The following BANK1 variants were observed in gnomAD, a reference collection of about 807,000 sequenced individuals.
BANK1 encodes B-cell scaffold protein with ankyrin repeats.
A neutral mutation model predicts 94.5 loss-of-function variants in BANK1; 95 were observed. The ratio of observed to expected loss-of-function variants is 1.00; its 90% confidence interval spans 0.85 to 1.19. The LOEUF is 1.19. Ranked by LOEUF, BANK1 falls within the 50% of genes most tolerant of loss-of-function variation. The probability of loss-of-function intolerance (pLI) is 0.00; values close to 1 mark genes in which losing one functional copy is unlikely to be tolerated. For missense variants in BANK1, 987 were observed against 932.2 expected (o/e 1.06, Z -0.77); for synonymous variants, 334 against 308.4 (o/e 1.08, Z -0.87).
chr4:101,936,584 G>GTA (rs1243738268), intron 7 of BANK1, among the ~76,000 whole-genome samples: 14 of 150,164 alleles, frequency 9.3e-5, no homozygotes, highest in African/African-American at 3.2e-4. Flanking sequence ...GTATGTGTGT[G>GTA]TATATATATA....
At chr4:101,995,831 G>C (rs1725859721) in intron 7 of BANK1, among the ~76,000 whole-genome samples, 1 of 152,084 alleles carries the variant, frequency 6.6e-6, no homozygotes, top group South Asian at 2.1e-4. Context: ...GTTCCTTGTA[G>C]ATTCTGGATA....
intron 7 of BANK1, among the ~76,000 whole-genome samples, chr4:101,999,740 G>T (rs1354160751): frequency 6.6e-6 from 1 of 152,138 alleles, no homozygotes. Context: ...GAATGTAAAA[G>T]AAAGGAAATA....
chr4:102,017,496 G>A (rs2148945099), intron 7 of BANK1, among the ~76,000 whole-genome samples: 1 of 152,298 alleles, frequency 6.6e-6, no homozygotes, highest in Non-Finnish European at 1.5e-5. Flanking sequence ...GAGGTCAGCT[G>A]GAATGTGGCC....
At chr4:102,041,202 A>C (rs906855447) in intron 10 of BANK1, among the ~76,000 whole-genome samples, 9 of 152,126 alleles carry the variant, frequency 5.9e-5, no homozygotes, top group Non-Finnish European at 8.8e-5. Flanking sequence ...TATAAAGTAC[A>C]TAAAGTCTTT....
At chr4:102,013,482 C>T (rs950192613) in intron 7 of BANK1, among the ~76,000 whole-genome samples, 4 of 151,934 alleles carry the variant, frequency 2.6e-5, no homozygotes, top group African/African-American at 9.7e-5. Context: ...TCTTCTGTCC[C>T]CAACCCTGCT....
chr4:101,954,489 AG>A (rs1348603884), intron 7 of BANK1, among the ~76,000 whole-genome samples: 2 of 152,142 alleles, frequency 1.3e-5, no homozygotes, highest in Non-Finnish European at 2.9e-5. Flanking sequence ...GGCCTAGAAA[AG>A]GTGGTAGTAA....
At chr4:101,941,916 G>C (rs1560644345) in intron 7 of BANK1, among the ~76,000 whole-genome samples, 1 of 151,754 alleles carries the variant, frequency 6.6e-6, no homozygotes, top group Non-Finnish European at 1.5e-5. Flanking sequence ...TGATCCACTT[G>C]TGTGGGGTAA....
At chr4:102,020,309 C>A (rs1424408765) in intron 7 of BANK1, among the ~76,000 whole-genome samples, 2 of 151,874 alleles carry the variant, frequency 1.3e-5, no homozygotes, top group African/African-American at 4.8e-5. Flanking sequence ...GATTTTAATA[C>A]CAAAGCATAC....
chr4:101,864,170 G>C (rs141298374), intron 4 of BANK1, among the ~76,000 whole-genome samples: 2 of 152,028 alleles, frequency 1.3e-5, no homozygotes, highest in Non-Finnish European at 2.9e-5. Context: ...TTAAGTATTC[G>C]TTTCAACTGT....
intron 2 of BANK1, among the ~76,000 whole-genome samples, chr4:101,842,570 G>T (rs542013761): frequency 2.6e-5 from 4 of 152,244 alleles, no homozygotes; most frequent in Non-Finnish European, 5.9e-5. Context: ...TATACTCTTG[G>T]ACAAATTTTG....
At chr4:101,990,524 A>G (rs1725663508) in intron 7 of BANK1, among the ~76,000 whole-genome samples, 1 of 152,188 alleles carries the variant, frequency 6.6e-6, no homozygotes, top group South Asian at 2.1e-4. Context: ...TTTCTGGAAA[A>G]TGAATTGTCA....
chr4:102,073,783 CT>C, intron 16 of BANK1, 35 bp downstream of exon 16: 1 of 1,531,546 alleles, frequency 6.5e-7, no homozygotes, highest in Admixed American at 1.8e-5. Context: ...TTTAGAAAAT[CT>C]AAAGCAGCCT....
chr4:101,842,528 C>G (rs761620796), intron 2 of BANK1, among the ~76,000 whole-genome samples: 1 of 152,026 alleles, frequency 6.6e-6, no homozygotes, highest in Non-Finnish European at 1.5e-5. Context: ...GAATGTGGAC[C>G]AAATACTTCT....
intron 1 of BANK1, among the ~76,000 whole-genome samples, chr4:101,794,571 C>T (rs1725091745): frequency 6.6e-6 from 1 of 152,022 alleles, no homozygotes; most frequent in Non-Finnish European, 1.5e-5. Context: ...ATTATTTGGC[C>T]TTGTAATCCT....
intron 7 of BANK1, among the ~76,000 whole-genome samples, chr4:101,927,813 T>A (rs1723213906): frequency 6.6e-6 from 1 of 151,732 alleles, no homozygotes; most frequent in Non-Finnish European, 1.5e-5. Context: ...ACACGTTAAA[T>A]TTGAAATGCC....
rs1048847397 is a variant in BANK1 at position 101,953,278 on chromosome 4, G to GT, written c.1206+35095dup. On this transcript the variant is annotated intron_variant, in intron 7 of 16. Transcript: ENST00000322953. ...AGTAGTGGACGAAATGTTCCCAACT[G>GT]TTTTTTCTCCATCTTTTGTCATATT... is the stretch of plus-strand genomic sequence containing the variant. Among the ~76,000 whole-genome samples, 138 of 152,230 alleles carry GT rather than the reference G, an allele frequency of 9.1e-4. 1 individual carries two copies. Among genetic ancestry groups the GT allele is most frequent in the African/African-American group, 3.2e-3 (131 of 41,568 alleles).
rs74329503 is a variant in BANK1, at chr4:102,072,158, C to T, written c.2243-187C>T. On this transcript the variant is annotated intron_variant, in intron 14 of 16. Transcript: ENST00000322953. ...TCAGTATCCTACCCAAGTCAATCCA[C>T]ATGGGCAGGAGAAATTAACAGCACA... 2.0e-5 allele frequency among the ~76,000 whole-genome samples: 3 copies of T among 152,206 alleles called. No individual in the cohort carries two copies. In the East Asian group the frequency reaches 5.8e-4, roughly 29 times the overall value.
chr4:101,905,131 C>A (rs1046541076), intron 6 of BANK1, among the ~76,000 whole-genome samples: 2 of 152,098 alleles, frequency 1.3e-5, no homozygotes, highest in Non-Finnish European at 2.9e-5. Flanking sequence ...GAAGTAGATA[C>A]AACAATTTGA....
intron 7 of BANK1, among the ~76,000 whole-genome samples, chr4:101,968,703 G>T (rs186598605): frequency 7.2e-5 from 11 of 151,912 alleles, no homozygotes; most frequent in Admixed American, 6.6e-4. Context: ...AAACTGCAGG[G>T]GACTACAGAG....
Sources: gnomAD v4.1 joint callset for allele counts (sites outside exome capture counted in the v4.1 genomes callset) on GRCh38, gnomAD v4.1.1 for gene constraint, MANE v1.5 for transcripts, NCBI Gene and HGNC (gene_info 2026-07-23, HGNC 2026-07-21) for gene names.